The following ARHGEF40 variants were observed in gnomAD, a reference collection of about 807,000 sequenced individuals.
ARHGEF40 encodes the protein Rho guanine nucleotide exchange factor 40.
ARHGEF40 carries 98 observed loss-of-function variants against 165.9 expected under a neutral mutation model. The observed-to-expected ratio is 0.59, with a 90% CI of 0.50 to 0.70. ARHGEF40 has a LOEUF of 0.70. Among genes scored for constraint, ARHGEF40 ranks in the 30% least tolerant of loss-of-function variants. The pLI, the probability that ARHGEF40 is intolerant of heterozygous loss-of-function variation, is 0.00. For missense variants in ARHGEF40, 1,815 were observed against 1,968.0 expected (o/e 0.92, Z 1.47); for synonymous variants, 792 against 814.3 (o/e 0.97, Z 0.47).
At chr14:21,064,183 T>C in the ARHGEF40 span, among the ~76,000 whole-genome samples, 1 of 152,138 alleles carries the variant, frequency 6.6e-6, no homozygotes, top group Non-Finnish European at 1.5e-5. Context: ...TGCGGAGGAG[T>C]ACATTTCTAC....
rs150936514 is a variant in ARHGEF40 at position 21,085,753 on chromosome 14, G to C, written c.4025G>C (p.Arg1342Pro). The C allele has an allele frequency of 1.9e-6, 3 of 1,614,060 alleles. No individual in the cohort carries two copies. The highest frequency in any genetic ancestry group is 1.3e-5 in the African/African-American group (1 of 74,918). Reference sequence around the variant, plus strand: ...GGACTCTGCTTTGAGTTGTGGTTTCGGCGGCGGCGTGCACGAGAGGCATAC... The same window carrying C: ...GGACTCTGCTTTGAGTTGTGGTTTCCGCGGCGGCGTGCACGAGAGGCATAC... The part of the protein sequence containing the change: ...DSGLCFELWF[R>P]RRRAREAYTL... Residue 1342 changes from arginine to proline, a missense_variant, in exon 19 of 24, where the codon CGG becomes CCG. By Grantham distance (103) the Arg-to-Pro change is moderately radical (BLOSUM62 -2). Coordinates refer to ENST00000298694, the MANE Select transcript of ARHGEF40 (RefSeq NM_018071.5).
chr14:21,069,909 G>C (rs763688233), upstream of ARHGEF40, among the ~76,000 whole-genome samples: 2 of 152,210 alleles, frequency 1.3e-5, no homozygotes, highest in Non-Finnish European at 2.9e-5. Context: ...GGGAAGGGGC[G>C]GCCCAAGGGA....
rs751203521 is a variant in ARHGEF40, at chr14:21,080,977, C to T, written c.2601C>T (p.Gly867=). 4 of 1,614,164 alleles carry T rather than the reference C, an allele frequency of 2.5e-6. No homozygotes were observed. The East Asian group carries it at 6.7e-5, about 27-fold the overall frequency. Reference sequence around the variant, plus strand: ...AGCGGCTGGAGCAGGTTGAGAGTGGCCTCCATCGGGCCCTGCGGCTACAGC... The same window carrying T: ...AGCGGCTGGAGCAGGTTGAGAGTGGTCTCCATCGGGCCCTGCGGCTACAGC... ...FEQRLEQVES[G]LHRALRLQRF... The change falls in exon 13 of 24, where the codon GGC becomes GGT. Residue 867 remains glycine (G), a synonymous_variant. Coordinates refer to ENST00000298694, the MANE Select transcript of ARHGEF40 (RefSeq NM_018071.5).
upstream of ARHGEF40, among the ~76,000 whole-genome samples, chr14:21,069,465 G>GAGAGGTAGGGATGCGGA (rs1886497587): frequency 6.6e-6 from 1 of 152,236 alleles, no homozygotes; most frequent in Non-Finnish European, 1.5e-5. Context: ...TAGCCGAATA[G>GAGAGGTAGGGATGCGGA]AGAGGTAGGG....
Position 21,086,382 on chromosome 14 carries a change from A to AT in ARHGEF40, c.4138+527dup, listed in dbSNP as rs34726909. On this transcript the variant is annotated intron_variant, in intron 19 of 23. Transcript: ENST00000298694. ...CAGAGCAAGACTCTGTCTTTAAAGG[A>AT]TTTTTTTTTTTCAAATTTTTTAATA... The AT allele has an allele frequency of 1.2e-3, 185 of 151,352 alleles. 2 individuals are homozygous for AT. In the East Asian group the frequency reaches 0.024, roughly 20 times the overall value. 9.4% of individuals were successfully genotyped at this position (151,352 alleles called of 1,614,324 possible). A position where few individuals can be genotyped will look rare whatever the true frequency, so the allele number is the denominator to read the frequency against.
intron 16 of ARHGEF40, 38 bp downstream of exon 16, chr14:21,082,955 G>A (rs775071629): frequency 2.8e-5 from 44 of 1,596,994 alleles, no homozygotes; most frequent in Middle Eastern, 1.7e-4. Context: ...AAAGTAGAGA[G>A]GCCAGAAAGA....
In ARHGEF40 at chr14:21,088,842, G is replaced by C; in HGVS notation, c.4531G>C (p.Ala1511Pro). 6.2e-7 allele frequency: 1 copy of C among 1,613,314 alleles called. No individual in the cohort carries two copies. Residue 1511 changes from alanine to proline, a missense_variant, in exon 23 of 24, where the codon GCC (alanine) becomes CCC (proline). By Grantham distance (27) the Ala-to-Pro change is conservative. Coordinates refer to ENST00000298694, the MANE Select transcript of ARHGEF40 (RefSeq NM_018071.5). Reference sequence around the variant, plus strand: ...TCTCTCCCCCCAGAGTCATGCTCGAGCCCTGAGTGACCCCACCACGCCTCT... The same window carrying C: ...TCTCTCCCCCCAGAGTCATGCTCGACCCCTGAGTGACCCCACCACGCCTCT... Reference protein sequence around the residue: ...LGLSRQSHARALSDPTTPL With the variant: ...LGLSRQSHARPLSDPTTPL
chr14:21,080,351 CTTTTGGTTCACCCCAG>C (rs1347619957), intron 11 of ARHGEF40, among the ~76,000 whole-genome samples: 1 of 152,124 alleles, frequency 6.6e-6, no homozygotes, highest in Non-Finnish European at 1.5e-5. Flanking sequence ...CCTCATCCTG[CTTTTGGTTCACCCCAG>C]TTTGATGTAC....
Position 21,074,464 on chromosome 14 carries a change from TGTTA to T in ARHGEF40, c.736_739del (p.Leu246ArgfsTer2). 1 of 1,583,410 alleles carries T rather than the reference TGTTA, an allele frequency of 6.3e-7. No individual in the cohort carries two copies. The highest frequency in any genetic ancestry group is 8.6e-7 in the Non-Finnish European group (1 of 1,164,984). On this transcript the variant is annotated frameshift_variant, in exon 3 of 24. Coordinates refer to ENST00000298694, the MANE Select transcript of ARHGEF40 (RefSeq NM_018071.5). LOFTEE classifies it high-confidence loss of function. The surrounding 1 kb of genome is among the most constrained non-coding windows in gnomAD (Gnocchi z 4.8). Reference sequence around the variant, plus strand: ...GGACCTGAGGGCGAGTATGTGGAGCTGTTAGAGGTGACGCTGCCCGTGAGGGGGA... The same window carrying T: ...GGACCTGAGGGCGAGTATGTGGAGCTGAGGTGACGCTGCCCGTGAGGGGGA...
chr14:21,066,639 T>A (rs990870764), upstream of ARHGEF40, among the ~76,000 whole-genome samples: 7 of 152,152 alleles, frequency 4.6e-5, no homozygotes, highest in Non-Finnish European at 1.0e-4. Context: ...CAGCCTGATT[T>A]ATTTGGATTT....
At chr14:21,078,584 G>C in intron 10 of ARHGEF40, 96 bp downstream of exon 10, 2 of 1,264,726 alleles carry the variant, frequency 1.6e-6, no homozygotes, top group South Asian at 1.5e-5. Context: ...CATTCTTACT[G>C]TGCATGTATC....
upstream of ARHGEF40, among the ~76,000 whole-genome samples, chr14:21,066,928 C>T (rs935632600): frequency 6.6e-6 from 1 of 152,202 alleles, no homozygotes. Context: ...TATTGATCCC[C>T]AGATTCCTTG....
chr14:21,076,548 C>A lies in ARHGEF40; in HGVS notation c.1837-15C>A. On this transcript the variant is annotated splice_polypyrimidine_tract_variant and intron_variant, in intron 6 of 23. Coordinates refer to ENST00000298694, the MANE Select transcript of ARHGEF40 (RefSeq NM_018071.5). ...CCCGATTGCCCAGTTTAGGGTTATT[C>A]TTTTCTGCCCTTAGGACTCAGGAGA... The A allele has an allele frequency of 6.2e-7, 1 of 1,614,170 alleles. No individual in the cohort carries two copies.
intron 19 of ARHGEF40, chr14:21,086,685 G>C (rs1228207719): frequency 3.6e-6 from 1 of 280,570 alleles, no homozygotes; most frequent in Non-Finnish European, 6.9e-6. Flanking sequence ...AAATGTGAGG[G>C]TTTGTTTTTT....
rs770511565 is a variant in ARHGEF40 at position 21,080,700 on chromosome 14, C to A, written c.2414C>A (p.Ala805Glu). The A allele has an allele frequency of 6.2e-7, 1 of 1,611,950 alleles. No homozygotes were observed. Among genetic ancestry groups the A allele is most frequent in the Non-Finnish European group, 8.5e-7 (1 of 1,179,316 alleles). Residue 805 changes from alanine (A) to glutamate (E), a missense_variant, in exon 12 of 24, where the codon GCA becomes GAA. Transcript: ENST00000298694. ...WLSGPGEEQL[A>E]SFAMPGDTLS... is the part of the protein sequence containing the mutation. ...TCGGGCCCAGGGGAGGAGCAGCTGG[C>A]AAGCTTTGCTATGCCTGGGGACACC...
At position 21,084,886 on chromosome 14, in the gene ARHGEF40, G is replaced by T. The variant is rs374399179; in HGVS notation, c.3923G>T (p.Gly1308Val). ...TTCAGCAAGCTCAAGGGCCCTGAAG[G>T]GGGGTCAGAGATGTTTGTTTACAAG... is the stretch of plus-strand genomic sequence containing the variant. ...LLFSKLKGPE[G>V]GSEMFVYKQA... The change falls in exon 18 of 24, where the codon GGG becomes GTG. Residue 1308 changes from glycine to valine, a missense_variant. By Grantham distance (109) the Gly-to-Val change is moderately radical. Coordinates refer to ENST00000298694, the MANE Select transcript of ARHGEF40 (RefSeq NM_018071.5). 3.7e-6 allele frequency: 6 copies of T among 1,614,032 alleles called. No homozygotes were observed. Among genetic ancestry groups the T allele is most frequent in the South Asian group, 2.2e-5 (2 of 91,080 alleles).
chr14:21,085,688 G>A lies in ARHGEF40; in HGVS notation c.3961-1G>A. 6.2e-7 allele frequency: 1 copy of A among 1,613,482 alleles called. No individual in the cohort carries two copies. The highest frequency in any genetic ancestry group is 8.5e-7 in the Non-Finnish European group (1 of 1,179,972). On this transcript the variant is annotated splice_acceptor_variant, in intron 18 of 23. Coordinates refer to ENST00000298694, the MANE Select transcript of ARHGEF40 (RefSeq NM_018071.5). LOFTEE classifies it high-confidence loss of function. ...ACCCGCTGCCCTCTGCTCTTCCTCA[G>A]ACTGCTGATATGGGGCTGACAGAAA... is the stretch of plus-strand genomic sequence containing the variant.
rs757397698 is a variant in ARHGEF40, at chr14:21,079,020, G to T, written c.2373+10G>T. On this transcript the variant is annotated intron_variant, in intron 11 of 23. Coordinates refer to ENST00000298694, the MANE Select transcript of ARHGEF40 (RefSeq NM_018071.5). ...GCGGCGACTCCAGCAGGTGAGCCAGGATCCCCACGTCCCTCTTACTCAGCC... is the reference window on the plus strand; with the variant it reads ...GCGGCGACTCCAGCAGGTGAGCCAGTATCCCCACGTCCCTCTTACTCAGCC... 3.1e-6 allele frequency: 5 copies of T among 1,609,860 alleles called. No homozygotes were observed. The highest frequency in any genetic ancestry group is 3.3e-5 in the Admixed American group (2 of 59,914).
chr14:21,075,662 G>A lies in ARHGEF40; in HGVS notation c.1636G>A (p.Gly546Arg). 1 of 1,613,996 alleles carries A rather than the reference G, an allele frequency of 6.2e-7. No individual in the cohort carries two copies. The change falls in exon 5 of 24, where the codon GGG becomes AGG. Residue 546 changes from glycine (G) to arginine (R), a missense_variant. Transcript: ENST00000298694. The surrounding 1 kb of genome is among the most constrained non-coding windows in gnomAD (Gnocchi z 4.5). Reference sequence around the variant, plus strand: ...GTCTTCAGGAGGGGTGGACCAGAGTGGGCGAGCTCTGCTGACCATTACCCC... The same window carrying A: ...GTCTTCAGGAGGGGTGGACCAGAGTAGGCGAGCTCTGCTGACCATTACCCC... Reference protein sequence around the residue: ...LILTGGVDQSGRALLTITPPC... With the variant: ...LILTGGVDQSRRALLTITPPC...
Sources: gnomAD v4.1 joint callset for allele counts (sites outside exome capture counted in the v4.1 genomes callset) on GRCh38, gnomAD v4.1.1 for gene constraint, Gnocchi (gnomAD v3.1) non-coding constraint, MANE v1.5 for transcripts, NCBI Gene and HGNC (gene_info 2026-07-23, HGNC 2026-07-21) for gene names.